The following FRMPD3 variants were observed in gnomAD, a reference collection of about 807,000 sequenced individuals.
The protein encoded by FRMPD3 is FERM and PDZ domain containing 3.
A neutral mutation model predicts 97.9 loss-of-function variants in FRMPD3; 42 were observed. That is an observed-to-expected ratio of 0.43 (90% CI 0.34 to 0.55). The LOEUF (loss-of-function observed/expected upper bound fraction) is 0.55, where lower values mean the gene tolerates loss of function less well. FRMPD3 is among the 20% of genes least tolerant of loss of function. The pLI, the probability that FRMPD3 is intolerant of heterozygous loss-of-function variation, is 0.03. For synonymous variants in FRMPD3, 577 were observed against 581.1 expected (o/e 0.99, Z 0.10); for missense variants, 1,303 against 1,457.7 (o/e 0.89, Z 1.73).
intron 11 of FRMPD3, 139 bp downstream of exon 11, chrX:107,563,339 C>G (rs962657485): frequency 4.5e-6 from 2 of 445,105 alleles, no homozygotes; most frequent in Non-Finnish European, 7.6e-6. Flanking sequence ...CCTCCCTGGC[C>G]CTGCCTCTGC....
intron 12 of FRMPD3, among the ~76,000 whole-genome samples, chrX:107,572,265 A>G (rs750230633): frequency 9.0e-6 from 1 of 111,662 alleles, no homozygotes. Context: ...GAAGATGTGA[A>G]GGAACATGAG....
intron 10 of FRMPD3, among the ~76,000 whole-genome samples, chrX:107,561,865 T>G (rs185875640): frequency 1.2e-4 from 14 of 112,461 alleles, no homozygotes; most frequent in African/African-American, 4.5e-4. Context: ...CAGGTAACAT[T>G]TTTTTCGAGG....
chrX:107,565,038 G>T lies in FRMPD3; in HGVS notation c.1268G>T (p.Arg423Leu). Residue 423 changes from arginine to leucine, a missense_variant, in exon 12 of 15, where the codon CGG becomes CTG. Coordinates refer to ENST00000683843, the MANE Select transcript of FRMPD3 (RefSeq NM_001388459.1). ...QLFRENQGVARVETSIMDAKP... is the reference protein window; with the variant it reads ...QLFRENQGVALVETSIMDAKP... Reference sequence around the variant, plus strand: ...TTCCGGGAGAACCAGGGCGTGGCCCGGGTGGAGACCAGCATCATGGATGCC... The same window carrying T: ...TTCCGGGAGAACCAGGGCGTGGCCCTGGTGGAGACCAGCATCATGGATGCC... 1 of 1,195,165 alleles carries T rather than the reference G, an allele frequency of 8.4e-7. No homozygotes were observed. Among genetic ancestry groups the T allele is most frequent in the Non-Finnish European group, 1.1e-6 (1 of 887,290 alleles).
chrX:107,464,241 A>G (rs913037529), intron 1 of FRMPD3, among the ~76,000 whole-genome samples: 3 of 112,071 alleles, frequency 2.7e-5, no homozygotes, highest in Non-Finnish European at 5.6e-5. Flanking sequence ...GCTGATAGCA[A>G]TCTTATACTT....
intron 13 of FRMPD3, among the ~76,000 whole-genome samples, chrX:107,576,771 T>A (rs1923133946): frequency 8.9e-6 from 1 of 112,042 alleles, no homozygotes; most frequent in African/African-American, 3.2e-5. Context: ...TAAGGCAAAC[T>A]TAGCGGTGCA....
intron 13 of FRMPD3, among the ~76,000 whole-genome samples, chrX:107,586,958 A>G (rs1569427695): frequency 1.8e-5 from 2 of 111,149 alleles, no homozygotes. Context: ...GTAGATGTCT[A>G]TTAGGTCCAC....
rs1407711539 is a variant in FRMPD3, at chrX:107,603,559, C to T, written c.*186C>T. On this transcript the variant is annotated 3_prime_UTR_variant, in exon 15 of 15. Transcript: ENST00000683843. ...CTCTTAAGGGCTGCAGGCTTAGCTG[C>T]CGCCCTGGGTGTCCTCACCCCTTCC... 1 of 924,719 alleles carries T rather than the reference C, an allele frequency of 1.1e-6. No individual in the cohort carries two copies. Among genetic ancestry groups the T allele is most frequent in the African/African-American group, 2.0e-5 (1 of 50,719 alleles). 76.2% of individuals were successfully genotyped at this position (924,719 alleles called of 1,213,427 possible).
chrX:107,554,567 G>T (rs1921998970), intron 8 of FRMPD3, 63 bp downstream of exon 8: 1 of 1,155,378 alleles, frequency 8.7e-7, no homozygotes, highest in Non-Finnish European at 1.2e-6. Flanking sequence ...AGGCTGTTCT[G>T]CCATCACAAT....
chrX:107,482,744 T>C (rs1246076543), intron 1 of FRMPD3, among the ~76,000 whole-genome samples: 2 of 112,160 alleles, frequency 1.8e-5, no homozygotes, highest in Non-Finnish European at 3.8e-5. Flanking sequence ...AAGAGTTTGC[T>C]TGAGTAGGAG....
intron 1 of FRMPD3, among the ~76,000 whole-genome samples, chrX:107,452,903 C>T (rs2147884655): frequency 1.4e-5 from 1 of 73,548 alleles, no homozygotes; most frequent in Non-Finnish European, 2.5e-5. Context: ...GAAAGGCTTG[C>T]TGGAGATGGG....
At chrX:107,492,501 C>G in intron 1 of FRMPD3, among the ~76,000 whole-genome samples, 1 of 111,615 alleles carries the variant, frequency 9.0e-6, no homozygotes, top group East Asian at 2.8e-4. Context: ...TTGATGAATG[C>G]TGGGTTAGAT....
intron 1 of FRMPD3, among the ~76,000 whole-genome samples, chrX:107,515,614 G>A (rs1922295550): frequency 8.9e-6 from 1 of 112,030 alleles, no homozygotes; most frequent in Non-Finnish European, 1.9e-5. Context: ...CGTTTTTGAG[G>A]AATTTTGTTG....
intron 1 of FRMPD3, among the ~76,000 whole-genome samples, chrX:107,450,618 A>C (rs953556595): frequency 1.7e-4 from 18 of 106,754 alleles, no homozygotes; most frequent in Admixed American, 4.9e-4. Flanking sequence ...AGAGAGAGAG[A>C]GCGCGAGCTA....
At chrX:107,552,149 A>G (rs1266582980) in intron 6 of FRMPD3, among the ~76,000 whole-genome samples, 1 of 111,888 alleles carries the variant, frequency 8.9e-6, no homozygotes. Flanking sequence ...AGCAGAGCAG[A>G]TGGAACCCAG....
intron 4 of FRMPD3, chrX:107,544,804 C>A (rs1324370457): frequency 9.0e-6 from 1 of 111,419 alleles, no homozygotes; most frequent in Admixed American, 9.6e-5. Flanking sequence ...AACTAAAAAG[C>A]CAGCCAGGCA....
chrX:107,474,952 T>C (rs1921160027), intron 1 of FRMPD3, among the ~76,000 whole-genome samples: 1 of 111,840 alleles, frequency 8.9e-6, no homozygotes, highest in Non-Finnish European at 1.9e-5. Context: ...GAAGGTTCAG[T>C]ATGGGAGACT....
intron 12 of FRMPD3, among the ~76,000 whole-genome samples, chrX:107,568,263 A>G (rs1346175194): frequency 9.2e-6 from 1 of 108,640 alleles, no homozygotes; most frequent in Non-Finnish European, 1.9e-5. Context: ...TTTAGGGTAC[A>G]TGTGCACAAT....
At chrX:107,557,828 TATATATATATATAG>T (rs1374405957) in intron 8 of FRMPD3, among the ~76,000 whole-genome samples, 2 of 84,793 alleles carry the variant, frequency 2.4e-5, no homozygotes, top group African/African-American at 8.3e-5. Context: ...TATATATATA[TATATATATATATAG>T]ATCTATTCCT....
intron 6 of FRMPD3, among the ~76,000 whole-genome samples, chrX:107,551,281 G>A (rs1344224075): frequency 1.8e-5 from 2 of 110,841 alleles, no homozygotes; most frequent in Non-Finnish European, 3.8e-5. Context: ...ACTACTTAGG[G>A]TGCCATAGAA....
Sources: gnomAD v4.1 joint callset for allele counts (sites outside exome capture counted in the v4.1 genomes callset) on GRCh38, gnomAD v4.1.1 for gene constraint, MANE v1.5 for transcripts, NCBI Gene and HGNC (gene_info 2026-07-23, HGNC 2026-07-21) for gene names.